The following TOP1 variants were observed in gnomAD, a reference collection of about 807,000 sequenced individuals.
The protein encoded by TOP1 is DNA topoisomerase I.
Under a neutral mutation model 111.1 loss-of-function variants are expected in TOP1, and 10 were observed. The observed-to-expected ratio is 0.09, with a 90% confidence interval of 0.06 to 0.15. The LOEUF is 0.15. Ranked by LOEUF, TOP1 falls within the 10% of genes least tolerant of loss-of-function variation. The pLI is 1.00. For missense variants in TOP1, 474 were observed against 926.7 expected (o/e 0.51, Z 6.34); for synonymous variants, 271 against 302.9 (o/e 0.89, Z 1.10).
Position 41,092,602 on chromosome 20 carries a change from G to C in TOP1, c.730+15G>C, listed in dbSNP as rs1422074305. The C allele has an allele frequency of 7.6e-7, 1 of 1,319,664 alleles. No individual in the cohort carries two copies. Among genetic ancestry groups the C allele is most frequent in the South Asian group, 1.3e-5 (1 of 77,472 alleles). 81.7% of individuals were successfully genotyped at this position (1,319,664 alleles called of 1,614,324 possible). A position where few individuals can be genotyped will look rare whatever the true frequency, so the allele number is the denominator to read the frequency against. On this transcript the variant is annotated intron_variant, in intron 9 of 20. Transcript: ENST00000361337. This position sits in a 1 kb window ranked among gnomAD's most constrained non-coding sequence, Gnocchi z 4.3. The stretch of plus-strand genomic sequence containing the variant: ...TTATTATGATGGTGAGTTGTTTCAA[G>C]GTTCTTGATTCTTGGCCAGGAAAAG...
chr20:41,114,298 C>A lies in TOP1; in HGVS notation c.1638+143C>A. 1 of 686,484 alleles carries A rather than the reference C, an allele frequency of 1.5e-6. No homozygotes were observed. The highest frequency in any genetic ancestry group is 2.8e-5 in the Admixed American group (1 of 35,794). 42.5% of individuals were successfully genotyped at this position (686,484 alleles called of 1,614,324 possible). On this transcript the variant is annotated intron_variant, in intron 15 of 20. Transcript: ENST00000361337. This position sits in a 1 kb window ranked among gnomAD's most constrained non-coding sequence, Gnocchi z 4.5. ...GCAACATGGCACATGCCTGTAGACC[C>A]AGCTATTCAGAAGGCTGAGACAGGA... is the stretch of plus-strand genomic sequence containing the variant.
In TOP1 at chr20:41,114,328, C is replaced by G. The variant is rs1375512244; in HGVS notation, c.1638+173C>G. On this transcript the variant is annotated intron_variant, in intron 15 of 20. Transcript: ENST00000361337. This position sits in a 1 kb window ranked among gnomAD's most constrained non-coding sequence, Gnocchi z 4.5. ...ATTCAGAAGGCTGAGACAGGAGGATCACTGGAGACCAAAAGTTTGAGGCTG... is the reference window on the plus strand; with the variant it reads ...ATTCAGAAGGCTGAGACAGGAGGATGACTGGAGACCAAAAGTTTGAGGCTG... Among the ~76,000 whole-genome samples the G allele has an allele frequency of 6.6e-6, 1 of 152,244 alleles. No homozygotes were observed. The highest frequency in any genetic ancestry group is 2.4e-5 in the African/African-American group (1 of 41,454).
chr20:41,123,074 A>G lies in TOP1; in HGVS notation c.2196-121A>G, dbSNP rs2034446634. 6.1e-6 allele frequency: 4 copies of G among 659,418 alleles called. No individual in the cohort carries two copies. Among genetic ancestry groups the G allele is most frequent in the Admixed American group, 5.3e-5 (2 of 37,774 alleles). The allele number at this position is 659,418 out of a possible 1,614,324, so 40.8% of individuals were successfully genotyped here. ...ACCTTTAGAACATGCTTGGTGCACTATTAATTTGCATCCTCACTAGACAGA... is the reference window on the plus strand; with the variant it reads ...ACCTTTAGAACATGCTTGGTGCACTGTTAATTTGCATCCTCACTAGACAGA... On this transcript the variant is annotated intron_variant, in intron 20 of 20. Coordinates refer to ENST00000361337, the MANE Select transcript of TOP1 (RefSeq NM_003286.4). This position sits in a 1 kb window ranked among gnomAD's most constrained non-coding sequence, Gnocchi z 5.8.
rs2034007427 is a variant in TOP1, at chr20:41,098,092, T to C, written c.853-123T>C. The stretch of plus-strand genomic sequence containing the variant: ...TTTTTTCAAAATTCATTAATTGAGA[T>C]TGGCTACTTCCAGAAACCTTTGACT... On this transcript the variant is annotated intron_variant, in intron 10 of 20. Transcript: ENST00000361337. This position sits in a 1 kb window ranked among gnomAD's most constrained non-coding sequence, Gnocchi z 5.7. The C allele has an allele frequency of 6.3e-6, 6 of 948,522 alleles. No individual in the cohort carries two copies. The highest frequency in any genetic ancestry group is 5.9e-5 in the South Asian group (4 of 67,354). The allele number at this position is 948,522 out of a possible 1,614,324, so 58.8% of individuals were successfully genotyped here. A position where few individuals can be genotyped will look rare whatever the true frequency, so the allele number is the denominator to read the frequency against.
intron 2 of TOP1, among the ~76,000 whole-genome samples, chr20:41,043,978 T>A (rs6029526): frequency 0.58 from 88,622 of 152,174 alleles, 27,353 homozygotes; most frequent in East Asian, 0.82. Context: ...AGAGCAGTAT[T>A]TGAAATGCAA....
intron 8 of TOP1, among the ~76,000 whole-genome samples, chr20:41,089,998 G>T (rs2033900559): frequency 6.6e-6 from 1 of 152,032 alleles, no homozygotes; most frequent in Admixed American, 6.5e-5. Context: ...TTTTGAGATG[G>T]AGTCTTGCTC....
Position 41,028,988 on chromosome 20 carries a change from C to G in TOP1, c.-80C>G. 3.9e-6 allele frequency: 5 copies of G among 1,292,304 alleles called. No individual in the cohort carries two copies. In the South Asian group the frequency reaches 6.4e-5, roughly 16 times the overall value. The allele number at this position is 1,292,304 out of a possible 1,614,324, so 80.1% of individuals were successfully genotyped here. On this transcript the variant is annotated 5_prime_UTR_variant, in exon 1 of 21. Transcript: ENST00000361337. Reference sequence around the variant, plus strand: ...CTCCTCGAGCCTCCGGAGTCCCCGTCCGCCCGCACAGGCCGGTTCGCCGTC... The same window carrying G: ...CTCCTCGAGCCTCCGGAGTCCCCGTGCGCCCGCACAGGCCGGTTCGCCGTC...
intron 2 of TOP1, among the ~76,000 whole-genome samples, chr20:41,053,753 A>G (rs1237108580): frequency 2.0e-5 from 3 of 152,204 alleles, no homozygotes; most frequent in Admixed American, 6.5e-5. Context: ...CCCTTTTGCT[A>G]TTCCATTGAT....
In TOP1 at chr20:41,118,095, G is replaced by A; in HGVS notation, c.1823-74G>A. ...AGCAAAATCATGGGGACGAGGCACT[G>A]GGGGAAGACATACTGTGTGTTCACT... On this transcript the variant is annotated intron_variant, in intron 17 of 20. Transcript: ENST00000361337. The surrounding 1 kb of genome is among the most constrained non-coding windows in gnomAD (Gnocchi z 4.6). 6.6e-7 allele frequency: 1 copy of A among 1,518,252 alleles called. No individual in the cohort carries two copies. The highest frequency in any genetic ancestry group is 8.9e-7 in the Non-Finnish European group (1 of 1,117,404). The allele number at this position is 1,518,252 out of a possible 1,614,324, so 94.0% of individuals were successfully genotyped here.
intron 2 of TOP1, among the ~76,000 whole-genome samples, chr20:41,043,294 C>T (rs1192900217): frequency 2.0e-5 from 3 of 152,172 alleles, no homozygotes; most frequent in Admixed American, 6.5e-5. Flanking sequence ...AGTAATTCAA[C>T]CTCTTAAGCA....
At chr20:41,038,385 T>G (rs961324380) in intron 2 of TOP1, among the ~76,000 whole-genome samples, 13 of 152,250 alleles carry the variant, frequency 8.5e-5, no homozygotes, top group African/African-American at 2.9e-4. Flanking sequence ...ACAGAATTTT[T>G]AGTTCCTTGC....
At chr20:41,107,909 C>G (rs6016514) in intron 13 of TOP1, among the ~76,000 whole-genome samples, 4 of 152,198 alleles carry the variant, frequency 2.6e-5, no homozygotes, top group South Asian at 2.1e-4. Flanking sequence ...TCAAGTCCCC[C>G]CTTCTTGCAT....
Position 41,034,431 on chromosome 20 carries a change from C to T in TOP1, c.58+4976C>T, listed in dbSNP as rs1287196256. 6.6e-6 allele frequency among the ~76,000 whole-genome samples: 1 copy of T among 152,126 alleles called. No homozygotes were observed. The highest frequency in any genetic ancestry group is 2.4e-5 in the African/African-American group (1 of 41,398). On this transcript the variant is annotated intron_variant, in intron 2 of 20. Coordinates refer to ENST00000361337, the MANE Select transcript of TOP1 (RefSeq NM_003286.4). This position sits in a 1 kb window ranked among gnomAD's most constrained non-coding sequence, Gnocchi z 4.0. ...CAACCCCCACCCTCCCTGCCACCTG[C>T]CTATCTAGATGTGGACAGTATGTGC...
At chr20:41,064,826 G>C (rs1044906066) in intron 3 of TOP1, among the ~76,000 whole-genome samples, 2 of 151,868 alleles carry the variant, frequency 1.3e-5, no homozygotes, top group Non-Finnish European at 2.9e-5. Context: ...TGGCCTCCTG[G>C]ACTCTAAAGT....
rs138925905 is a variant in TOP1 at position 41,124,291 on chromosome 20, GA to G, written c.*1001del. Reference sequence around the variant, plus strand: ...TTCTTTTGTAATTGTGTAAAAAATGGAAAAAAACATAAAAAGCAGAATTTTA... The same window carrying G: ...TTCTTTTGTAATTGTGTAAAAAATGGAAAAAACATAAAAAGCAGAATTTTA... On this transcript the variant is annotated 3_prime_UTR_variant, in exon 21 of 21. Transcript: ENST00000361337. This position sits in a 1 kb window ranked among gnomAD's most constrained non-coding sequence, Gnocchi z 5.4. 1,009 of 232,894 alleles carry G rather than the reference GA, an allele frequency of 4.3e-3. 8 individuals carry two copies. The highest frequency in any genetic ancestry group is 0.021 in the African/African-American group (939 of 45,374). The allele number at this position is 232,894 out of a possible 1,614,324, so 14.4% of individuals were successfully genotyped here.
chr20:41,038,648 C>T (rs6093426), intron 2 of TOP1, among the ~76,000 whole-genome samples: 7,757 of 152,138 alleles, frequency 0.051, 655 homozygotes, highest in African/African-American at 0.18. Context: ...AGGCTTGCTG[C>T]ATACACACCA....
chr20:41,033,728 G>A (rs2033150951), intron 2 of TOP1, among the ~76,000 whole-genome samples: 1 of 152,156 alleles, frequency 6.6e-6, no homozygotes, highest in East Asian at 1.9e-4. Context: ...GGACATGAAT[G>A]CATATTTATA....
rs1026865647 is a variant in TOP1 at position 41,109,292 on chromosome 20, C to A, written c.1309-3490C>A. Among the ~76,000 whole-genome samples, 2 of 152,098 alleles carry A rather than the reference C, an allele frequency of 1.3e-5. No homozygotes were observed. Among genetic ancestry groups the A allele is most frequent in the Non-Finnish European group, 2.9e-5 (2 of 68,000 alleles). On this transcript the variant is annotated intron_variant, in intron 13 of 20. Transcript: ENST00000361337. This position sits in a 1 kb window ranked among gnomAD's most constrained non-coding sequence, Gnocchi z 4.1. The stretch of plus-strand genomic sequence containing the variant: ...TATATATATATTCTGAGCCTGGCAT[C>A]TTGGTATAAAATTCAAAACGTTTTA...
At chr20:41,085,867 A>G (rs760475076) in intron 8 of TOP1, among the ~76,000 whole-genome samples, 10 of 152,238 alleles carry the variant, frequency 6.6e-5, no homozygotes, top group Admixed American at 1.3e-4. Context: ...GGTGACAGCT[A>G]TGTGATTCGC....
Sources: allele counts gnomAD v4.1 joint callset (sites outside exome capture counted in the v4.1 genomes callset), GRCh38; gene constraint gnomAD v4.1.1; non-coding constraint Gnocchi (gnomAD v3.1); transcripts MANE v1.5; gene names NCBI Gene and HGNC (gene_info 2026-07-23, HGNC 2026-07-21).